The following DPM1 variants were observed in gnomAD, a reference collection of about 807,000 sequenced individuals.
The protein encoded by DPM1 is dolichyl-phosphate mannosyltransferase subunit 1, catalytic.
In DPM1, 27 loss-of-function variants were observed where a neutral mutation model predicts 39.0. That is an observed-to-expected ratio of 0.69 (90% confidence interval 0.51 to 0.95). The LOEUF (loss-of-function observed/expected upper bound fraction) is 0.95. Among genes scored for constraint, DPM1 ranks in the 40% least tolerant of loss-of-function variants. The pLI, the probability that DPM1 is intolerant of heterozygous loss-of-function variation, is 0.00. For synonymous variants in DPM1, 124 were observed against 109.0 expected (o/e 1.14, Z -0.86); for missense variants, 307 against 315.6 (o/e 0.97, Z 0.21).
At position 50,945,753 on chromosome 20, in the gene DPM1, T is replaced by C. The variant is rs1986245938; in HGVS notation, c.382A>G (p.Ile128Val). The C allele has an allele frequency of 6.3e-7, 1 of 1,586,438 alleles. No individual in the cohort carries two copies. The highest frequency in any genetic ancestry group is 8.7e-7 in the Non-Finnish European group (1 of 1,155,806). ...DADLSHHPKF[I>V]PEFIRKQKEG... ...AGTACCTACCTAATAAATTCAGGAA[T>C]AAATTTTGGCTGAAATTTGAAAAGA... Residue 128 changes from isoleucine to valine, a missense_variant, in exon 5 of 9, where the codon ATT (isoleucine) becomes GTT (valine). Physicochemically the swap from Ile to Val is conservative, Grantham distance 29. This residue lies in a region of DPM1 where 206 missense variants were observed against 188.2 expected (regional missense o/e 1.09). Coordinates refer to ENST00000371588, the MANE Select transcript of DPM1 (RefSeq NM_003859.3).
At chr20:50,950,920 C>G (rs1986540746) in intron 2 of DPM1, among the ~76,000 whole-genome samples, 1 of 152,140 alleles carries the variant, frequency 6.6e-6, no homozygotes, top group Non-Finnish European at 1.5e-5. Context: ...TACAGTTGCA[C>G]ACCCCCTTAA....
At chr20:50,943,237 C>T (rs751160251) in intron 5 of DPM1, among the ~76,000 whole-genome samples, 3 of 152,178 alleles carry the variant, frequency 2.0e-5, no homozygotes, top group Non-Finnish European at 2.9e-5. Flanking sequence ...GAGCTCTTTC[C>T]CATTCTTTTT....
intron 2 of DPM1, among the ~76,000 whole-genome samples, chr20:50,954,217 A>C (rs1986718563): frequency 6.6e-6 from 1 of 152,224 alleles, no homozygotes. Flanking sequence ...ACTGTAAATA[A>C]CAATAAAGGT....
intron 7 of DPM1, among the ~76,000 whole-genome samples, chr20:50,938,024 C>CTTAA (rs1985363380): frequency 6.6e-6 from 1 of 152,098 alleles, no homozygotes; most frequent in Non-Finnish European, 1.5e-5. Context: ...TATTTCCTCT[C>CTTAA]TTTAAGAGTT....
Position 50,942,021 on chromosome 20 carries a change from A to C in DPM1, c.494+10T>G. ...TATACTAATAAAGAAGTTGTAACAC[A>C]TGTACCTACCTGATTATTTTTCTTT... On this transcript the variant is annotated intron_variant, in intron 6 of 8. Transcript: ENST00000371588. The C allele has an allele frequency of 1.2e-6, 2 of 1,605,368 alleles. No homozygotes were observed. The highest frequency in any genetic ancestry group is 1.7e-6 in the Non-Finnish European group (2 of 1,172,050).
At chr20:50,942,194 CACAA>C in intron 5 of DPM1, 68 bp from the exon 6 acceptor site, 1 of 1,389,510 alleles carries the variant, frequency 7.2e-7, no homozygotes, top group Non-Finnish European at 1.0e-6. Flanking sequence ...TCATGAGCTA[CACAA>C]ACAAAACTTT....
chr20:50,955,376 T>C (rs1986774152), intron 1 of DPM1, 91 bp from the exon 2 acceptor site: 2 of 869,468 alleles, frequency 2.3e-6, no homozygotes, highest in Admixed American at 4.0e-5. Context: ...AAAGTATAAA[T>C]GGAGATGTAT....
rs759278634 is a variant in DPM1, at chr20:50,958,471, TC to T, written c.52del (p.Glu18LysfsTer31). On this transcript the variant is annotated frameshift_variant, in exon 1 of 9. Coordinates refer to ENST00000371588, the MANE Select transcript of DPM1 (RefSeq NM_003859.3). LOFTEE classifies it high-confidence loss of function. ...RSPRRSRREL[E>X]VRSPRQNKYS... ...TTTGTTCTGTCGTGGACTGCGCACT[TC>T]CAGCTCCCGCCGAGACCTGCGAGGA... 21 of 1,613,846 alleles carry T rather than the reference TC, an allele frequency of 1.3e-5. No individual in the cohort carries two copies. The highest frequency in any genetic ancestry group is 1.7e-5 in the Non-Finnish European group (20 of 1,180,008).
chr20:50,937,216 C>T (rs776493334), intron 7 of DPM1, among the ~76,000 whole-genome samples: 5 of 152,064 alleles, frequency 3.3e-5, no homozygotes, highest in Non-Finnish European at 7.4e-5. Flanking sequence ...CACCCTGAAT[C>T]CACATTTTTT....
chr20:50,941,309 GTATATTCATATTA>G (rs1240493862), intron 6 of DPM1: 2 of 122,548 alleles, frequency 1.6e-5, no homozygotes, highest in Admixed American at 8.8e-5. Flanking sequence ...CATATAATAT[GTATATTCATATTA>G]TATATTCATA....
intron 2 of DPM1, among the ~76,000 whole-genome samples, chr20:50,949,141 G>T (rs748898123): frequency 1.1e-4 from 16 of 152,214 alleles, no homozygotes; most frequent in Non-Finnish European, 2.1e-4. Flanking sequence ...TTACAGGCAT[G>T]AGTCACCGCG....
rs547949792 is a variant in DPM1 at position 50,940,932 on chromosome 20, G to C, written c.496C>G (p.Arg166Gly). 6 of 1,613,156 alleles carry C rather than the reference G, an allele frequency of 3.7e-6. No individual in the cohort carries two copies. Among genetic ancestry groups the C allele is most frequent in the Non-Finnish European group, 5.1e-6 (6 of 1,179,710 alleles). Reference sequence around the variant, plus strand: ...ATCTGAGTTAAAAAATTGGCCCCACGGCTGCCAAATAAAACAATCAGATCT... The same window carrying C: ...ATCTGAGTTAAAAAATTGGCCCCACCGCTGCCAAATAAAACAATCAGATCT... Reference protein sequence around the residue: ...GWDLKRKIISRGANFLTQILL... With the variant: ...GWDLKRKIISGGANFLTQILL... Residue 166 changes from arginine to glycine, a missense_variant and splice_region_variant, in exon 7 of 9, where the codon CGT becomes GGT. By Grantham distance (125) the Arg-to-Gly change is moderately radical (BLOSUM62 -2). Coordinates refer to ENST00000371588, the MANE Select transcript of DPM1 (RefSeq NM_003859.3).
chr20:50,935,728 C>A (rs1245154780), intron 8 of DPM1, among the ~76,000 whole-genome samples: 1 of 152,110 alleles, frequency 6.6e-6, no homozygotes, highest in East Asian at 1.9e-4. Flanking sequence ...CTAACGAGCC[C>A]TAAATATTAC....
In DPM1 at chr20:50,945,928, A is replaced by G. The variant is rs1986258168; in HGVS notation, c.296-5T>C. The G allele has an allele frequency of 6.2e-7, 1 of 1,610,994 alleles. No homozygotes were observed. Among genetic ancestry groups the G allele is most frequent in the African/African-American group, 1.3e-5 (1 of 74,998 alleles). On this transcript the variant is annotated splice_polypyrimidine_tract_variant and splice_region_variant and intron_variant, in intron 3 of 8. Coordinates refer to ENST00000371588, the MANE Select transcript of DPM1 (RefSeq NM_003859.3). ...TTCCATGAATATATGCAGTTCCTAA[A>G]AATGAAAGTAGATCCATTCAAGAAA...
intron 2 of DPM1, among the ~76,000 whole-genome samples, chr20:50,950,684 A>G (rs1459828165): frequency 1.3e-5 from 2 of 152,108 alleles, no homozygotes; most frequent in Non-Finnish European, 2.9e-5. Flanking sequence ...AGCTTGGCCA[A>G]CGTGGTGAGA....
At position 50,956,367 on chromosome 20, in the gene DPM1, G is replaced by A. The variant is rs531725622; in HGVS notation, c.162-1082C>T. 3.3e-5 allele frequency among the ~76,000 whole-genome samples: 5 copies of A among 152,036 alleles called. No individual in the cohort carries two copies. In the East Asian group the frequency reaches 9.7e-4, roughly 29 times the overall value. ...ACCTGTAATCCCAGCACTTTGGGAG[G>A]CCGAGGCAGGCGGATCACGAGGTCA... On this transcript the variant is annotated intron_variant, in intron 1 of 8. Transcript: ENST00000371588.
At chr20:50,941,996 T>G in intron 6 of DPM1, 35 bp downstream of exon 6, 1 of 1,528,922 alleles carries the variant, frequency 6.5e-7, no homozygotes, top group Non-Finnish European at 9.1e-7. Flanking sequence ...TTCCAGTAGT[T>G]ATACTAATAA....
chr20:50,942,526 G>A (rs1311205416), intron 5 of DPM1, among the ~76,000 whole-genome samples: 4 of 151,148 alleles, frequency 2.6e-5, no homozygotes, highest in East Asian at 1.9e-4. Flanking sequence ...AAAATTAGTC[G>A]GGCACAGTGG....
rs1405268597 is a variant in DPM1 at position 50,941,360 on chromosome 20, C to CATATATATTCATATTATATATATTCAT, written c.495-454_495-428dup. Among the ~76,000 whole-genome samples the CATATATATTCATATTATATATATTCAT allele has an allele frequency of 7.1e-3, 828 of 115,956 alleles. 14 individuals are homozygous for CATATATATTCATATTATATATATTCAT. Among genetic ancestry groups the CATATATATTCATATTATATATATTCAT allele is most frequent in the African/African-American group, 0.032 (761 of 23,960 alleles). 76.1% of individuals were successfully genotyped at this position (115,956 alleles called of 152,430 possible). On this transcript the variant is annotated intron_variant, in intron 6 of 8. Transcript: ENST00000371588. ...TATTCGTATTATATATATTCATATACATATATATTCATATTATATATATTC... is the reference window on the plus strand; with the variant it reads ...TATTCGTATTATATATATTCATATACATATATATTCATATTATATATATTCATATATATATTCATATTATATATATTC...
Sources: allele counts gnomAD v4.1 joint callset (sites outside exome capture counted in the v4.1 genomes callset), GRCh38; gene constraint gnomAD v4.1.1; regional missense constraint gnomAD v4.1.1; transcripts MANE v1.5; gene names NCBI Gene and HGNC (gene_info 2026-07-23, HGNC 2026-07-21).